DEPDC5: variants seen among roughly 807,000 people sequenced by gnomAD.
The protein encoded by DEPDC5 is GATOR1 complex protein DEPDC5.
Under a neutral mutation model 217.3 loss-of-function variants are expected in DEPDC5, and 73 were observed. That is an observed-to-expected ratio of 0.34 (90% CI 0.28 to 0.41). The LOEUF is 0.41. Among genes scored for constraint, DEPDC5 ranks in the 10% least tolerant of loss-of-function variants. The probability of loss-of-function intolerance (pLI) is 1.00; values close to 1 mark genes in which losing one functional copy is unlikely to be tolerated. For missense variants in DEPDC5, 1,675 were observed against 2,070.1 expected (o/e 0.81, Z 3.70); for synonymous variants, 733 against 756.7 (o/e 0.97, Z 0.51).
chr22:31,838,921 T>C lies in DEPDC5; in HGVS notation c.2515+76T>C. 2.0e-6 allele frequency: 3 copies of C among 1,463,822 alleles called. No homozygotes were observed. In the South Asian group the frequency reaches 4.1e-5, roughly 20 times the overall value. 90.7% of individuals were successfully genotyped at this position (1,463,822 alleles called of 1,614,324 possible). A position where few individuals can be genotyped will look rare whatever the true frequency, so the allele number is the denominator to read the frequency against. ...GGAAGTGGGTTTTCAAGATGGTAGGTAGTAGATAAATTTAGTAGTAATCGT... is the reference window on the plus strand; with the variant it reads ...GGAAGTGGGTTTTCAAGATGGTAGGCAGTAGATAAATTTAGTAGTAATCGT... On this transcript the variant is annotated intron_variant, in intron 27 of 42. Coordinates refer to ENST00000651528, the MANE Select transcript of DEPDC5 (RefSeq NM_001242896.3).
At chr22:31,802,385 C>T (rs2086971152) in intron 14 of DEPDC5, among the ~76,000 whole-genome samples, 1 of 152,080 alleles carries the variant, frequency 6.6e-6, no homozygotes, top group African/African-American at 2.4e-5. Flanking sequence ...CTGCTTTGGC[C>T]TCCCAAAGTG....
At chr22:31,885,958 G>A (rs113886409) in intron 38 of DEPDC5, among the ~76,000 whole-genome samples, 1,892 of 151,196 alleles carry the variant, frequency 0.013, 39 homozygotes, top group African/African-American at 0.042. Context: ...CTCTTGAATC[G>A]AGAGGCGGAG....
At chr22:31,789,707 G>A (rs1363961426) in intron 10 of DEPDC5, among the ~76,000 whole-genome samples, 1 of 151,690 alleles carries the variant, frequency 6.6e-6, no homozygotes, top group Non-Finnish European at 1.5e-5. Context: ...ATTATGTAGT[G>A]TAAAAGAGTA....
At chr22:31,754,776 C>G in intron 1 of DEPDC5, 86 bp from the exon 2 acceptor site, 1 of 832,396 alleles carries the variant, frequency 1.2e-6, no homozygotes, top group South Asian at 1.6e-5. Flanking sequence ...CAGAGGAACA[C>G]CAGTATCTTC....
chr22:31,886,716 C>T (rs1171844930), intron 38 of DEPDC5, among the ~76,000 whole-genome samples: 1 of 130,778 alleles, frequency 7.6e-6, no homozygotes, highest in Non-Finnish European at 1.6e-5. Flanking sequence ...GCCAAGATTG[C>T]ACCACTGCAC....
At chr22:31,869,436 C>A (rs1196135292) in intron 33 of DEPDC5, among the ~76,000 whole-genome samples, 1 of 151,486 alleles carries the variant, frequency 6.6e-6, no homozygotes, top group Non-Finnish European at 1.5e-5. Flanking sequence ...GTGGTGGCTC[C>A]CACCTGTAAT....
At chr22:31,821,742 A>G in intron 23 of DEPDC5, 105 bp downstream of exon 23, 1 of 1,506,048 alleles carries the variant, frequency 6.6e-7, no homozygotes, top group Non-Finnish European at 9.0e-7. Flanking sequence ...AGAAGACTTG[A>G]AAAGACAGTA....
intron 18 of DEPDC5, among the ~76,000 whole-genome samples, chr22:31,808,624 C>T (rs545583213): frequency 5.3e-5 from 8 of 151,770 alleles, no homozygotes; most frequent in East Asian, 1.9e-4. Context: ...TTAGTAGAGA[C>T]GAGGTTTCAC....
intron 24 of DEPDC5, among the ~76,000 whole-genome samples, chr22:31,823,366 A>G (rs970429646): frequency 6.6e-6 from 1 of 151,896 alleles, no homozygotes; most frequent in African/African-American, 2.4e-5. Context: ...CCCCATCTCT[A>G]CCAAAAACAC....
chr22:31,807,820 C>A (rs1376255386), intron 18 of DEPDC5, among the ~76,000 whole-genome samples: 1 of 152,224 alleles, frequency 6.6e-6, no homozygotes, highest in Non-Finnish European at 1.5e-5. Flanking sequence ...TCTCACCCCT[C>A]TGCCCTTTCC....
intron 12 of DEPDC5, among the ~76,000 whole-genome samples, chr22:31,794,914 C>T (rs1214995910): frequency 6.6e-6 from 1 of 151,978 alleles, no homozygotes; most frequent in Non-Finnish European, 1.5e-5. Flanking sequence ...ACAACAAAAG[C>T]ACACCAGTAT....
Position 31,783,970 on chromosome 22 carries a change from G to A in DEPDC5, c.547G>A (p.Asp183Asn), listed in dbSNP as rs368985382. Residue 183 changes from aspartate to asparagine, a missense_variant, in exon 9 of 43, where the codon GAT becomes AAT. Physicochemically the swap from Asp to Asn is conservative, Grantham distance 23 (BLOSUM62 1). Transcript: ENST00000651528. ...TATTCAGATGAGCTGTGAAATGTGGGATTTTGATATTTATGGTACTGTGTC... is the reference window on the plus strand; with the variant it reads ...TATTCAGATGAGCTGTGAAATGTGGAATTTTGATATTTATGGTACTGTGTC... The part of the protein sequence containing the change: ...IFIQMSCEMW[D>N]FDIYGDLYFE... The A allele has an allele frequency of 1.2e-5, 20 of 1,613,494 alleles. No homozygotes were observed. The highest frequency in any genetic ancestry group is 1.7e-5 in the Non-Finnish European group (20 of 1,179,680).
chr22:31,893,768 A>C lies in DEPDC5; in HGVS notation c.4203+17A>C, dbSNP rs1263986332. The C allele has an allele frequency of 2.5e-6, 4 of 1,582,388 alleles. No individual in the cohort carries two copies. The highest frequency in any genetic ancestry group is 3.4e-6 in the Non-Finnish European group (4 of 1,165,684). ...TTCGAGATGGTGAGAACCTTCATGC[A>C]TGTTGTCAGGCCTTTGGCTCACCTC... On this transcript the variant is annotated intron_variant, in intron 39 of 42. Coordinates refer to ENST00000651528, the MANE Select transcript of DEPDC5 (RefSeq NM_001242896.3).
At chr22:31,778,213 T>C in intron 8 of DEPDC5, 45 bp downstream of exon 8, 9 of 1,567,148 alleles carry the variant, frequency 5.7e-6, no homozygotes, top group Non-Finnish European at 7.9e-6. Context: ...CTCCATACTA[T>C]TATGGCTAAG....
chr22:31,783,325 C>T (rs1186993769), intron 8 of DEPDC5, among the ~76,000 whole-genome samples: 2 of 152,044 alleles, frequency 1.3e-5, no homozygotes, highest in East Asian at 1.9e-4. Context: ...AAAGGTGGTC[C>T]GTGCCACCTT....
intron 10 of DEPDC5, among the ~76,000 whole-genome samples, chr22:31,791,345 T>A (rs1601867027): frequency 6.6e-6 from 1 of 152,050 alleles, no homozygotes; most frequent in African/African-American, 2.4e-5. Context: ...GCCACCTGGA[T>A]TAAGAATATT....
intron 34 of DEPDC5, 35 bp downstream of exon 34, chr22:31,870,779 G>A (rs1363299306): frequency 3.3e-6 from 5 of 1,499,934 alleles, no homozygotes; most frequent in Non-Finnish European, 4.5e-6. Context: ...ATGTTCCTGG[G>A]GAGTGGGGAC....
Position 31,805,722 on chromosome 22 carries a change from A to G in DEPDC5, c.1218-400A>G, listed in dbSNP as rs1048910522. Among the ~76,000 whole-genome samples, 5 of 152,116 alleles carry G rather than the reference A, an allele frequency of 3.3e-5. 1 individual carries two copies. In the South Asian group the frequency reaches 8.3e-4, roughly 25 times the overall value. The stretch of plus-strand genomic sequence containing the variant: ...CACTGTGTTGGCCAACCTGGTCTTG[A>G]ATAGCAAGTTCATGGCAAAGCTGCA... On this transcript the variant is annotated intron_variant, in intron 17 of 42. Transcript: ENST00000651528.
At chr22:31,830,635 G>A (rs1478183755) in intron 24 of DEPDC5, among the ~76,000 whole-genome samples, 1 of 100,928 alleles carries the variant, frequency 9.9e-6, no homozygotes, top group Non-Finnish European at 2.0e-5. Flanking sequence ...GTGTACGTGT[G>A]TGTGTGTGTG....
Sources: gnomAD v4.1 joint callset for allele counts (sites outside exome capture counted in the v4.1 genomes callset) on GRCh38, gnomAD v4.1.1 for gene constraint, MANE v1.5 for transcripts, NCBI Gene and HGNC (gene_info 2026-07-23, HGNC 2026-07-21) for gene names.